The following FBXO11 variants were observed in gnomAD, a reference collection of about 807,000 sequenced individuals.
The protein encoded by FBXO11 is F-box protein 11.
Under a neutral mutation model 117.0 loss-of-function variants are expected in FBXO11, and 13 were observed. The observed-to-expected ratio is 0.11, with a 90% confidence interval of 0.07 to 0.18. FBXO11 has a LOEUF of 0.18. Among genes scored for constraint, FBXO11 ranks in the 10% least tolerant of loss-of-function variants. FBXO11 has a pLI of 1.00. For missense variants in FBXO11, 767 were observed against 1,164.4 expected (o/e 0.66, Z 4.97); for synonymous variants, 490 against 380.5 (o/e 1.29, Z -3.35).
At chr2:47,814,053 A>G in intron 16 of FBXO11, 186 bp from the exon 17 acceptor site, 8 of 525,124 alleles carry the variant, frequency 1.5e-5, no homozygotes, top group Non-Finnish European at 2.8e-5. Context: ...CCCACAGAAC[A>G]TACTTTACTA....
At chr2:47,827,559 G>A (rs1572794701) in intron 11 of FBXO11, among the ~76,000 whole-genome samples, 1 of 152,048 alleles carries the variant, frequency 6.6e-6, no homozygotes, top group Non-Finnish European at 1.5e-5. Flanking sequence ...TGCTCGCCTC[G>A]GCTTCCCGAA....
At chr2:47,850,487 A>G (rs1673776326) in intron 1 of FBXO11, among the ~76,000 whole-genome samples, 1 of 152,236 alleles carries the variant, frequency 6.6e-6, no homozygotes. Flanking sequence ...CATAATGTAC[A>G]TATGGTACAA....
chr2:47,831,427 GAAAAAA>G (rs920107554), intron 11 of FBXO11, among the ~76,000 whole-genome samples: 3 of 65,774 alleles, frequency 4.6e-5, no homozygotes, highest in African/African-American at 5.8e-5. Flanking sequence ...GTCTCAAAAA[GAAAAAA>G]AAAAAAAAAA....
intron 1 of FBXO11, among the ~76,000 whole-genome samples, chr2:47,849,125 T>G (rs748308112): frequency 2.0e-5 from 3 of 152,078 alleles, no homozygotes; most frequent in Admixed American, 1.3e-4. Flanking sequence ...TCTAACACAG[T>G]TGGAAACTAC....
intron 1 of FBXO11, among the ~76,000 whole-genome samples, chr2:47,902,517 T>TAC (rs963130969): frequency 4.6e-5 from 7 of 152,058 alleles, no homozygotes; most frequent in Non-Finnish European, 8.8e-5. Context: ...AAAGCGTATA[T>TAC]ACACACACAC....
intron 20 of FBXO11, 101 bp from the exon 21 acceptor site, chr2:47,809,367 G>C (rs1197322936): frequency 1.3e-6 from 1 of 795,116 alleles, no homozygotes; most frequent in Non-Finnish European, 2.0e-6. Flanking sequence ...CTATTTTTAA[G>C]AGCTTTAAAT....
chr2:47,815,209 C>T (rs1670924746), intron 16 of FBXO11, among the ~76,000 whole-genome samples: 1 of 152,080 alleles, frequency 6.6e-6, no homozygotes, highest in Admixed American at 6.6e-5. Flanking sequence ...AATGAACATC[C>T]ACGCAGAAAT....
At position 47,906,066 on chromosome 2, in the gene FBXO11, C is replaced by T; in HGVS notation, c.-346G>A. The T allele has an allele frequency of 5.8e-6, 1 of 173,482 alleles. No homozygotes were observed. The highest frequency in any genetic ancestry group is 1.2e-5 in the Non-Finnish European group (1 of 83,498). The allele number at this position is 173,482 out of a possible 1,614,324, so 10.7% of individuals were successfully genotyped here. ...GCCGCTTGGGGATCCCGAGGCGAAG[C>T]GCGGCGGCGGCGGCGGCGGCGGCTG... On this transcript the variant is annotated 5_prime_UTR_variant, in exon 1 of 23. Transcript: ENST00000403359.
intron 16 of FBXO11, chr2:47,814,111 T>C (rs1174430913): frequency 5.1e-6 from 2 of 389,914 alleles, no homozygotes; most frequent in Non-Finnish European, 9.5e-6. Flanking sequence ...AATGGGGTTA[T>C]ATTAAGTGAC....
chr2:47,827,463 C>T (rs999571784), intron 11 of FBXO11, among the ~76,000 whole-genome samples: 1 of 151,856 alleles, frequency 6.6e-6, no homozygotes, highest in Non-Finnish European at 1.5e-5. Context: ...TGAGCCACCA[C>T]GCCCAGCTAA....
At chr2:47,890,875 T>C (rs556723123) in intron 1 of FBXO11, among the ~76,000 whole-genome samples, 253 of 152,258 alleles carry the variant, frequency 1.7e-3, no homozygotes, top group South Asian at 8.3e-3. Context: ...TGGAATGCAG[T>C]GGTGCAATCA....
In FBXO11 at chr2:47,807,016, A is replaced by ATGGTTATTGAATAC. The variant is rs1463980192; in HGVS notation, c.*1088_*1101dup. 22 of 662,024 alleles carry ATGGTTATTGAATAC rather than the reference A, an allele frequency of 3.3e-5. No homozygotes were observed. The highest frequency in any genetic ancestry group is 5.6e-5 in the Non-Finnish European group (21 of 376,280). The allele number at this position is 662,024 out of a possible 1,614,324, so 41.0% of individuals were successfully genotyped here. ...TTAATTCTTATCTACCTTCTACATA[A>ATGGTTATTGAATAC]TGGTTATTGAATACTCCACAATATA... On this transcript the variant is annotated 3_prime_UTR_variant, in exon 23 of 23. Transcript: ENST00000403359.
At position 47,813,765 on chromosome 2, in the gene FBXO11, G is replaced by GA. The variant is rs77079615; in HGVS notation, c.2083+25dup. ...TGTATTTCTAAAGTTTATTAACACA[G>GA]AAAAAAGATGACAGATTAAACATAC... On this transcript the variant is annotated intron_variant, in intron 17 of 22. Coordinates refer to ENST00000403359, the MANE Select transcript of FBXO11 (RefSeq NM_001190274.2). 0.95 allele frequency: 1,490,977 copies of GA among 1,575,076 alleles called. 706,846 individuals are homozygous for GA. The highest frequency in any genetic ancestry group is 0.98 in the African/African-American group (72,971 of 74,118).
chr2:47,810,712 T>C lies in FBXO11; in HGVS notation c.2228-286A>G, dbSNP rs945268117. ...CACTTCATCTTCAGAGCCAGGTGCATAGGTGATTCTCAATGAGTATTGCTG... is the reference window on the plus strand; with the variant it reads ...CACTTCATCTTCAGAGCCAGGTGCACAGGTGATTCTCAATGAGTATTGCTG... On this transcript the variant is annotated intron_variant, in intron 18 of 22. Coordinates refer to ENST00000403359, the MANE Select transcript of FBXO11 (RefSeq NM_001190274.2). 2.5e-5 allele frequency: 7 copies of C among 279,502 alleles called. No individual in the cohort carries two copies. The East Asian group carries it at 4.1e-4, about 16-fold the overall frequency. The allele number at this position is 279,502 out of a possible 1,614,324, so 17.3% of individuals were successfully genotyped here.
rs971549610 is a variant in FBXO11, at chr2:47,807,730, C to T, written c.*388G>A. ...TCACATTTTTACCATATTACAAAAG[C>T]AATTGGTACCCATGTCCATAAAGGC... On this transcript the variant is annotated 3_prime_UTR_variant, in exon 23 of 23. Transcript: ENST00000403359. The T allele has an allele frequency of 4.2e-6, 1 of 236,514 alleles. No homozygotes were observed. Among genetic ancestry groups the T allele is most frequent in the Non-Finnish European group, 8.4e-6 (1 of 119,716 alleles). 14.7% of individuals were successfully genotyped at this position (236,514 alleles called of 1,614,324 possible).
chr2:47,904,844 G>A (rs1045142265), intron 1 of FBXO11, among the ~76,000 whole-genome samples: 1 of 151,932 alleles, frequency 6.6e-6, no homozygotes, highest in African/African-American at 2.4e-5. Context: ...CTTCCCAGGG[G>A]TTCGTAACTA....
chr2:47,900,247 G>A (rs1038377695), intron 1 of FBXO11, among the ~76,000 whole-genome samples: 1 of 152,072 alleles, frequency 6.6e-6, no homozygotes, highest in Non-Finnish European at 1.5e-5. Context: ...CATACTTCCT[G>A]CCTCCAAAAG....
At chr2:47,848,719 TTTAA>T (rs1673610871) in intron 1 of FBXO11, among the ~76,000 whole-genome samples, 1 of 152,186 alleles carries the variant, frequency 6.6e-6, no homozygotes, top group African/African-American at 2.4e-5. Flanking sequence ...AACATGTTTC[TTTAA>T]TTAAAAAATA....
At chr2:47,873,654 G>C (rs191597065) in intron 1 of FBXO11, among the ~76,000 whole-genome samples, 1 of 152,078 alleles carries the variant, frequency 6.6e-6, no homozygotes, top group South Asian at 2.1e-4. Context: ...CATACCTGCC[G>C]GCTGTTTCAA....
Sources: gnomAD v4.1 joint callset for allele counts (sites outside exome capture counted in the v4.1 genomes callset) on GRCh38, gnomAD v4.1.1 for gene constraint, MANE v1.5 for transcripts, NCBI Gene and HGNC (gene_info 2026-07-23, HGNC 2026-07-21) for gene names.